Variants in LRRC9 observed in about 807,000 individuals in gnomAD.
The protein encoded by LRRC9 is leucine-rich repeat-containing protein 9.
In LRRC9, 122 loss-of-function variants were observed where a neutral mutation model predicts 63.2. That is an observed-to-expected ratio of 1.93 (90% confidence interval 1.67 to 2.24). The LOEUF (loss-of-function observed/expected upper bound fraction) is 2.24, where lower values mean the gene tolerates loss of function less well. Among genes scored for constraint, LRRC9 ranks in the 30% most tolerant of loss-of-function variants. LRRC9 has a pLI of 0.00. For synonymous variants in LRRC9, 366 were observed against 213.1 expected (o/e 1.72, Z -6.25); for missense variants, 1,071 against 627.7 (o/e 1.71, Z -7.55).
At chr14:60,000,392 G>T (rs553636514) in intron 19 of LRRC9, among the ~76,000 whole-genome samples, 1 of 152,014 alleles carries the variant, frequency 6.6e-6, no homozygotes, top group East Asian at 1.9e-4. Flanking sequence ...TCAACATTAC[G>T]AAATGTCTCC....
chr14:60,054,266 C>G (rs781466983), intron 30 of LRRC9, among the ~76,000 whole-genome samples: 90 of 152,130 alleles, frequency 5.9e-4, no homozygotes, highest in Non-Finnish European at 1.8e-4. Flanking sequence ...TAAGAGCTAA[C>G]TGTATGTCAG....
chr14:60,025,146 A>G (rs1293389778), intron 27 of LRRC9, among the ~76,000 whole-genome samples: 3 of 151,530 alleles, frequency 2.0e-5, no homozygotes, highest in Admixed American at 2.0e-4. Flanking sequence ...GCTGGAGTGC[A>G]TTGGCACAAT....
At chr14:59,999,073 A>C in intron 18 of LRRC9, 28 bp from the exon 19 acceptor site, 1 of 632,328 alleles carries the variant, frequency 1.6e-6, no homozygotes, top group Non-Finnish European at 2.8e-6. Context: ...AACAGTTTAT[A>C]AAAAATTTTT....
chr14:59,938,152 T>C lies in LRRC9; in HGVS notation c.544-238T>C, dbSNP rs963308617. On this transcript the variant is annotated intron_variant, in intron 6 of 31. Coordinates refer to ENST00000445360, the Ensembl canonical transcript of LRRC9. This position sits in a 1 kb window ranked among gnomAD's most constrained non-coding sequence, Gnocchi z 4.2. ...GCTTCAAGGTTCCAGCTGGAATACA[T>C]GATTTAGTAAATATTTAAAAGGCAT... Among the ~76,000 whole-genome samples, 1 of 152,192 alleles carries C rather than the reference T, an allele frequency of 6.6e-6. No individual in the cohort carries two copies. The highest frequency in any genetic ancestry group is 1.5e-5 in the Non-Finnish European group (1 of 68,020).
chr14:59,949,260 T>A (rs920554276), intron 8 of LRRC9, among the ~76,000 whole-genome samples: 6 of 152,212 alleles, frequency 3.9e-5, no homozygotes, highest in African/African-American at 1.4e-4. Flanking sequence ...GTCGAGGAAT[T>A]TATCCATTTA....
chr14:59,953,250 GT>G (rs1427555135), intron 8 of LRRC9, among the ~76,000 whole-genome samples: 1 of 152,152 alleles, frequency 6.6e-6, no homozygotes, highest in Non-Finnish European at 1.5e-5. Flanking sequence ...TTCCACAATG[GT>G]TGAACTAATT....
chr14:60,000,880 T>C (rs1226347878), intron 19 of LRRC9, among the ~76,000 whole-genome samples: 1 of 152,050 alleles, frequency 6.6e-6, no homozygotes, highest in Non-Finnish European at 1.5e-5. Flanking sequence ...ATCCAGAATA[T>C]ATAAGGAAAA....
intron 2 of LRRC9, 21 bp from the exon 3 acceptor site, chr14:59,928,247 A>C: frequency 1.8e-6 from 1 of 565,060 alleles, no homozygotes; most frequent in Non-Finnish European, 3.1e-6. Context: ...GTAATGACCA[A>C]ATTTCTTTCC....
exon 24 of LRRC9, chr14:60,016,733 A>G (rs1281741611): frequency 1.4e-6 from 1 of 701,126 alleles, no homozygotes; most frequent in Non-Finnish European, 2.6e-6. Flanking sequence ...GCAGAACGAC[A>G]AGGACATTCC....
At chr14:59,991,887 C>A (rs1172909020) in intron 17 of LRRC9, among the ~76,000 whole-genome samples, 2 of 152,186 alleles carry the variant, frequency 1.3e-5, no homozygotes, top group African/African-American at 4.8e-5. Context: ...CCTCTGGGGG[C>A]AGGGCATTGC....
At chr14:60,019,510 A>C (rs1350478475) in intron 26 of LRRC9, among the ~76,000 whole-genome samples, 3 of 151,962 alleles carry the variant, frequency 2.0e-5, no homozygotes, top group Admixed American at 1.3e-4. Flanking sequence ...AAAAAACCAA[A>C]AAACAAACAA....
At chr14:60,043,303 T>C (rs1251759999) in intron 29 of LRRC9, among the ~76,000 whole-genome samples, 1 of 152,194 alleles carries the variant, frequency 6.6e-6, no homozygotes, top group African/African-American at 2.4e-5. Flanking sequence ...TCTTGTCTAA[T>C]TGCTCCAGAC....
At chr14:59,940,384 G>A (rs1337245519) in intron 7 of LRRC9, among the ~76,000 whole-genome samples, 1 of 152,100 alleles carries the variant, frequency 6.6e-6, no homozygotes, top group Admixed American at 6.6e-5. Flanking sequence ...AATTGTGGCA[G>A]TTCTTTGTGA....
Position 59,956,286 on chromosome 14 carries a change from TC to T in LRRC9, c.883-3531del, listed in dbSNP as rs1317019136. 2.0e-5 allele frequency among the ~76,000 whole-genome samples: 3 copies of T among 152,120 alleles called. No homozygotes were observed. In the East Asian group the frequency reaches 5.8e-4, roughly 29 times the overall value. ...GTGAGTGTCTAAGTCTCTTTGTAGA[TC>T]TCTAAGATCTTATTTTATGAATCTG... On this transcript the variant is annotated intron_variant, in intron 8 of 31. Transcript: ENST00000445360.
chr14:60,048,870 G>C (rs913401178), intron 29 of LRRC9, among the ~76,000 whole-genome samples: 1 of 152,148 alleles, frequency 6.6e-6, no homozygotes, highest in Non-Finnish European at 1.5e-5. Context: ...TCTGATGACT[G>C]TTGAGGCAAA....
intron 8 of LRRC9, among the ~76,000 whole-genome samples, chr14:59,959,079 A>G (rs1884097213): frequency 6.6e-6 from 1 of 152,228 alleles, no homozygotes; most frequent in Non-Finnish European, 1.5e-5. Flanking sequence ...TCCTCAGTAC[A>G]ATTTATCTTT....
intron 26 of LRRC9, among the ~76,000 whole-genome samples, chr14:60,021,546 A>G (rs1330459294): frequency 6.6e-6 from 1 of 151,928 alleles, no homozygotes; most frequent in Non-Finnish European, 1.5e-5. Flanking sequence ...GTTATATGTA[A>G]TAATTCTTTG....
intron 23 of LRRC9, among the ~76,000 whole-genome samples, chr14:60,009,566 A>G (rs765142719): frequency 8.0e-4 from 121 of 152,162 alleles, no homozygotes; most frequent in Non-Finnish European, 1.5e-3. Flanking sequence ...ACAGAGCCAA[A>G]CCATATCATT....
intron 17 of LRRC9, among the ~76,000 whole-genome samples, chr14:59,993,866 A>C (rs547822356): frequency 3.8e-4 from 58 of 152,334 alleles, no homozygotes; most frequent in Non-Finnish European, 6.0e-4. Context: ...TAATAATGGG[A>C]GACTTTAACA....
Sources: allele counts gnomAD v4.1 joint callset (sites outside exome capture counted in the v4.1 genomes callset), GRCh38; gene constraint gnomAD v4.1.1; non-coding constraint Gnocchi (gnomAD v3.1); transcripts MANE v1.5; gene names NCBI Gene and HGNC (gene_info 2026-07-23, HGNC 2026-07-21).